TUBB8B: variants seen among roughly 807,000 people sequenced by gnomAD.
TUBB8B encodes the protein tubulin beta 8B, also known as HSA18p11 beta-tubulin 4Q pseudogene.
Under a neutral mutation model 31.9 loss-of-function variants are expected in TUBB8B, and 26 were observed. The ratio of observed to expected loss-of-function variants is 0.81; its 90% CI spans 0.60 to 1.13. TUBB8B has a LOEUF of 1.13. Among genes scored for constraint, TUBB8B ranks in the 50% most tolerant of loss-of-function variants. The probability of loss-of-function intolerance (pLI) is 0.00; values close to 1 mark genes in which losing one functional copy is unlikely to be tolerated. For synonymous variants in TUBB8B, 173 were observed against 231.0 expected, an observed-to-expected ratio of 0.75 and a Z score of 2.28; for missense variants, 467 against 586.7, an observed-to-expected ratio of 0.80 and a Z score of 2.11.
chr18:61,647 GAATAT>G, the TUBB8B span, among the ~76,000 whole-genome samples: 199 of 126,164 alleles, frequency 1.6e-3, 1 homozygote, highest in African/African-American at 5.8e-3. Context: ...CATGAGGCTT[GAATAT>G]AATATAACAC....
the TUBB8B span, among the ~76,000 whole-genome samples, chr18:66,953 G>A: frequency 6.7e-5 from 10 of 149,596 alleles, no homozygotes; most frequent in African/African-American, 2.2e-4. Flanking sequence ...CTTCAGCAAT[G>A]TTTTGAAATT....
At position 47,797 on chromosome 18, in the gene TUBB8B, A is replaced by T; in HGVS notation, c.928T>A (p.Tyr310Asn). 1 of 1,611,754 alleles carries T rather than the reference A, an allele frequency of 6.2e-7. No homozygotes were observed. Among genetic ancestry groups the T allele is most frequent in the South Asian group, 1.1e-5 (1 of 91,004 alleles). The change falls in exon 4 of 4, where the codon TAC (tyrosine) becomes AAC (asparagine). Residue 310 changes from tyrosine (Y) to asparagine (N), a missense_variant. Around this residue, in one of 2 missense-constraint regions of TUBB8B, gnomAD observed 208 missense variants for 206.7 expected, o/e 1.01. Coordinates refer to ENST00000308911, the MANE Select transcript of TUBB8B (RefSeq NM_001358689.2). ...MAACDPRHGC[Y>N]LTVAAIFRGR... Reference sequence around the variant, plus strand: ...CTGAAAATGGCAGCCACCGTTAGGTAGCAGCCGTGACGGGGGTCACAGGCA... The same window carrying T: ...CTGAAAATGGCAGCCACCGTTAGGTTGCAGCCGTGACGGGGGTCACAGGCA...
At chr18:70,331 C>A in the TUBB8B span, among the ~76,000 whole-genome samples, 1 of 152,014 alleles carries the variant, frequency 6.6e-6, no homozygotes, top group African/African-American at 2.4e-5. Context: ...TAGAGATCCC[C>A]ATTAAAAAAG....
chr18:52,397 C>G (rs553820366), upstream of TUBB8B, among the ~76,000 whole-genome samples: 2 of 151,630 alleles, frequency 1.3e-5, no homozygotes, highest in Non-Finnish European at 3.0e-5. Context: ...CTTGTTTAGC[C>G]AAATCCATTC....
At chr18:63,542 G>A in the TUBB8B span, among the ~76,000 whole-genome samples, 2 of 151,528 alleles carry the variant, frequency 1.3e-5, no homozygotes, top group African/African-American at 2.4e-5. Flanking sequence ...CACACTTGAA[G>A]TAGGCATAGA....
At chr18:70,318 C>T in the TUBB8B span, among the ~76,000 whole-genome samples, 1 of 151,834 alleles carries the variant, frequency 6.6e-6, no homozygotes, top group African/African-American at 2.4e-5. Context: ...TTGGAGTGAC[C>T]CTTAGAGATC....
chr18:59,508 G>T, the TUBB8B span, among the ~76,000 whole-genome samples: 1 of 149,560 alleles, frequency 6.7e-6, no homozygotes, highest in African/African-American at 2.5e-5. Context: ...TAATTTTTTA[G>T]CATAATGGAA....
the TUBB8B span, among the ~76,000 whole-genome samples, chr18:55,798 T>G: frequency 6.6e-6 from 1 of 151,868 alleles, no homozygotes; most frequent in Non-Finnish European, 1.5e-5. Context: ...TCTCTTCACT[T>G]TATTGTTTCC....
chr18:58,370 A>G, the TUBB8B span, among the ~76,000 whole-genome samples: 12 of 151,834 alleles, frequency 7.9e-5, no homozygotes, highest in Middle Eastern at 3.4e-3. Flanking sequence ...AGAAGCAGCC[A>G]GGCCACATCT....
the TUBB8B span, among the ~76,000 whole-genome samples, chr18:63,942 C>A: frequency 6.6e-6 from 1 of 150,384 alleles, no homozygotes; most frequent in South Asian, 2.1e-4. Flanking sequence ...TTAGCCTTAA[C>A]CCTTACCCTA....
chr18:55,784 G>A, the TUBB8B span, among the ~76,000 whole-genome samples: 3 of 151,682 alleles, frequency 2.0e-5, no homozygotes, highest in Non-Finnish European at 4.4e-5. Context: ...CATTCTGTGG[G>A]TTTTCTCTTC....
the TUBB8B span, among the ~76,000 whole-genome samples, chr18:56,306 T>G: frequency 1.3e-5 from 2 of 151,876 alleles, no homozygotes; most frequent in Non-Finnish European, 2.9e-5. Context: ...CTTTGACTAT[T>G]ATGGTGTTTT....
chr18:55,223 CT>C, the TUBB8B span, among the ~76,000 whole-genome samples: 11 of 151,826 alleles, frequency 7.2e-5, no homozygotes, highest in East Asian at 2.1e-3. Flanking sequence ...GCCTCAGCCT[CT>C]TGAGTAGCCG....
At chr18:72,177 CAAAAAAA>C in the TUBB8B span, among the ~76,000 whole-genome samples, 36 of 78,718 alleles carry the variant, frequency 4.6e-4, 1 homozygote, top group African/African-American at 7.7e-4. Context: ...GACTCCATCT[CAAAAAAA>C]AAAAAAAAAA....
chr18:61,200 T>G, the TUBB8B span, among the ~76,000 whole-genome samples: 1 of 151,650 alleles, frequency 6.6e-6, no homozygotes, highest in African/African-American at 2.4e-5. Context: ...TATTATATAA[T>G]GACCTTCTTA....
At chr18:73,511 A>G in the TUBB8B span, 1 of 153,502 alleles carries the variant, frequency 6.5e-6, no homozygotes, top group East Asian at 1.9e-4. Context: ...CGGTTCGGAC[A>G]CGGTTCGCGC....
rs765612331 is a variant in TUBB8B at position 48,161 on chromosome 18, TGA to T, written c.562_563del (p.Val189ProfsTer9). 56 of 1,613,778 alleles carry T rather than the reference TGA, an allele frequency of 3.5e-5. No individual in the cohort carries two copies. Among genetic ancestry groups the T allele is most frequent in the South Asian group, 1.9e-4 (17 of 91,082 alleles). On this transcript the variant is annotated frameshift_variant, in exon 4 of 4. Transcript: ENST00000308911. LOFTEE classifies it high-confidence loss of function. ...TVVEPYNATL[S>X]VHQLIENADE... ...CCGCGTTTTCTATGAGCTGGTGGAC[TGA>T]GAGGGTGGCGTTGTAGGGCTCCACC...
upstream of TUBB8B, among the ~76,000 whole-genome samples, chr18:51,210 G>T (rs1906089953): frequency 6.6e-6 from 1 of 151,922 alleles, no homozygotes; most frequent in South Asian, 2.1e-4. Flanking sequence ...CTCTGCCTTG[G>T]GATGGTCAAG....
At chr18:69,441 G>A in the TUBB8B span, among the ~76,000 whole-genome samples, 1,644 of 152,282 alleles carry the variant, frequency 0.011, 10 homozygotes, top group Non-Finnish European at 0.015. Flanking sequence ...CTGGGCAATC[G>A]GGCCAGACCT....
Sources: gnomAD v4.1 joint callset for allele counts (sites outside exome capture counted in the v4.1 genomes callset) on GRCh38, gnomAD v4.1.1 for gene constraint, gnomAD v4.1.1 regional missense constraint, MANE v1.5 for transcripts, NCBI Gene and HGNC (gene_info 2026-07-23, HGNC 2026-07-21) for gene names.